Variants in RBM17 observed in about 807,000 individuals in gnomAD.
RBM17 encodes the protein RNA binding motif protein 17, also known as splicing factor 45.
RBM17 carries 7 observed loss-of-function variants against 53.2 expected under a neutral mutation model. That is an observed-to-expected ratio of 0.13 (90% CI 0.07 to 0.25). RBM17 has a LOEUF of 0.25. Ranked by LOEUF, RBM17 falls within the 10% of genes least tolerant of loss-of-function variation. The pLI is 1.00. For missense variants in RBM17, 257 were observed against 496.7 expected, an observed-to-expected ratio of 0.52 and a Z score of 4.59; for synonymous variants, 167 against 178.1, an observed-to-expected ratio of 0.94 and a Z score of 0.50.
rs747268766 is a variant in RBM17, at chr10:6,115,232, C to G, written c.1030-7C>G. 27 of 1,609,462 alleles carry G rather than the reference C, an allele frequency of 1.7e-5. No homozygotes were observed. The highest frequency in any genetic ancestry group is 1.7e-4 in the Middle Eastern group (1 of 5,784). On this transcript the variant is annotated splice_region_variant and splice_polypyrimidine_tract_variant and intron_variant, in intron 10 of 11. Coordinates refer to ENST00000379888, the MANE Select transcript of RBM17 (RefSeq NM_032905.5). ...CCTTTACTCATCACGCTCTCATTTT[C>G]TTCCAGATTCCTGGTGCCCCTGATG... is the stretch of plus-strand genomic sequence containing the variant.
At chr10:6,114,363 A>G (rs1840883983) in intron 10 of RBM17, 2 of 414,322 alleles carry the variant, frequency 4.8e-6, no homozygotes, top group Non-Finnish European at 9.0e-6. Context: ...GGAATGCTTC[A>G]TGATTGAGGA....
chr10:6,105,118 G>A, intron 4 of RBM17, 21 bp downstream of exon 4: 2 of 1,607,386 alleles, frequency 1.2e-6, no homozygotes, highest in South Asian at 1.1e-5. Flanking sequence ...CTTTGGATTT[G>A]GGGATATTTT....
At chr10:6,092,378 C>T (rs1840499842) in intron 1 of RBM17, among the ~76,000 whole-genome samples, 1 of 152,116 alleles carries the variant, frequency 6.6e-6, no homozygotes, top group Non-Finnish European at 1.5e-5. Flanking sequence ...AATGAACAAA[C>T]TATTGTATAT....
In RBM17 at chr10:6,096,906, C is replaced by G. The variant is rs79931413; in HGVS notation, c.-18-142C>G. 1.1e-3 allele frequency: 688 copies of G among 616,152 alleles called. 2 individuals carry two copies. Among genetic ancestry groups the G allele is most frequent in the Non-Finnish European group, 1.7e-3 (602 of 350,244 alleles). 38.2% of individuals were successfully genotyped at this position (616,152 alleles called of 1,614,324 possible). A position where few individuals can be genotyped will look rare whatever the true frequency, so the allele number is the denominator to read the frequency against. On this transcript the variant is annotated intron_variant, in intron 1 of 11. Coordinates refer to ENST00000379888, the MANE Select transcript of RBM17 (RefSeq NM_032905.5). The stretch of plus-strand genomic sequence containing the variant: ...GCTTCATGTATCAGGAATAGCCCTA[C>G]ATTAATGGTACCAGGAGCCTGGGCC...
intron 9 of RBM17, 61 bp from the exon 10 acceptor site, chr10:6,113,988 C>T: frequency 1.9e-6 from 2 of 1,063,618 alleles, no homozygotes; most frequent in South Asian, 1.4e-5. Context: ...ATTTATATAC[C>T]TCTGCTAGGT....
intron 1 of RBM17, among the ~76,000 whole-genome samples, chr10:6,095,067 G>A (rs918249102): frequency 6.6e-6 from 1 of 152,142 alleles, no homozygotes; most frequent in Non-Finnish European, 1.5e-5. Context: ...ATTTCTTAAG[G>A]AATGGAGTTC....
Position 6,113,509 on chromosome 10 carries a change from T to C in RBM17, c.858T>C (p.Asp286=). The C allele has an allele frequency of 6.2e-7, 1 of 1,608,454 alleles. No homozygotes were observed. Among genetic ancestry groups the C allele is most frequent in the Non-Finnish European group, 8.5e-7 (1 of 1,174,922 alleles). The change falls in exon 9 of 12, where the codon GAT becomes GAC. Residue 286 remains aspartate, a splice_region_variant and synonymous_variant. Coordinates refer to ENST00000379888, the MANE Select transcript of RBM17 (RefSeq NM_032905.5). The part of the protein sequence containing the change: ...KIIVGDATEK[D]ASKKSDSNPL... ...ATCTAATGGTATGTTTTGATACAGATGCATCCAAGAAGTCAGATTCAAATC... is the reference window on the plus strand; with the variant it reads ...ATCTAATGGTATGTTTTGATACAGACGCATCCAAGAAGTCAGATTCAAATC...
At chr10:6,096,190 T>TA (rs1437457492) in intron 1 of RBM17, among the ~76,000 whole-genome samples, 8 of 151,786 alleles carry the variant, frequency 5.3e-5, no homozygotes, top group East Asian at 1.9e-4. Context: ...ATTTTTTTTT[T>TA]AAAAAGTGGC....
Position 6,117,288 on chromosome 10 carries a change from G to A in RBM17, c.*1732G>A, listed in dbSNP as rs1219781156. On this transcript the variant is annotated 3_prime_UTR_variant, in exon 12 of 12. Coordinates refer to ENST00000379888, the MANE Select transcript of RBM17 (RefSeq NM_032905.5). ...ATTTTTAAAATAACTGTGTTAATCA[G>A]TTAGTGCTTTATTTATAATGAATTT... 6 of 152,240 alleles carry A rather than the reference G, an allele frequency of 3.9e-5. No individual in the cohort carries two copies. Among genetic ancestry groups the A allele is most frequent in the Middle Eastern group, 3.4e-3 (1 of 294 alleles). The allele number at this position is 152,240 out of a possible 1,614,324, so 9.4% of individuals were successfully genotyped here.
Position 6,105,179 on chromosome 10 carries a change from G to C in RBM17, c.407+82G>C, listed in dbSNP as rs536381524. ...TAACGAATGAGCGTCGCTGCTGTCT[G>C]TAAGGCTGAAGTTAATTGTCATGGG... On this transcript the variant is annotated intron_variant, in intron 4 of 11. Coordinates refer to ENST00000379888, the MANE Select transcript of RBM17 (RefSeq NM_032905.5). The C allele has an allele frequency of 1.3e-4, 166 of 1,320,184 alleles. No homozygotes were observed. In the African/African-American group the frequency reaches 1.4e-3, roughly 11 times the overall value. 81.8% of individuals were successfully genotyped at this position (1,320,184 alleles called of 1,614,324 possible).
At chr10:6,095,258 G>C (rs1588342962) in intron 1 of RBM17, among the ~76,000 whole-genome samples, 1 of 151,818 alleles carries the variant, frequency 6.6e-6, no homozygotes, top group East Asian at 1.9e-4. Context: ...TGTCACCCAG[G>C]CTGGAGTGCA....
In RBM17 at chr10:6,112,506, A is replaced by G. The variant is rs764100567; in HGVS notation, c.856+145A>G. On this transcript the variant is annotated intron_variant, in intron 8 of 11. Coordinates refer to ENST00000379888, the MANE Select transcript of RBM17 (RefSeq NM_032905.5). The surrounding 1 kb of genome is among the most constrained non-coding windows in gnomAD (Gnocchi z 4.4). ...GAGGGCTGGCCCTGCCATCACTAGAACACAGGCCGTCCTGTTCATATGATG... is the reference window on the plus strand; with the variant it reads ...GAGGGCTGGCCCTGCCATCACTAGAGCACAGGCCGTCCTGTTCATATGATG... The G allele has an allele frequency of 6.4e-6, 6 of 935,062 alleles. No individual in the cohort carries two copies. The highest frequency in any genetic ancestry group is 1.6e-5 in the African/African-American group (1 of 61,238). The allele number at this position is 935,062 out of a possible 1,614,324, so 57.9% of individuals were successfully genotyped here.
Position 6,112,476 on chromosome 10 carries a change from A to G in RBM17, c.856+115A>G. The G allele has an allele frequency of 7.9e-7, 1 of 1,267,652 alleles. No individual in the cohort carries two copies. The allele number at this position is 1,267,652 out of a possible 1,614,324, so 78.5% of individuals were successfully genotyped here. ...GGGGGACAATGAGGCGTGTGGCCAGAGGGAGAGGGCTGGCCCTGCCATCAC... is the reference window on the plus strand; with the variant it reads ...GGGGGACAATGAGGCGTGTGGCCAGGGGGAGAGGGCTGGCCCTGCCATCAC... On this transcript the variant is annotated intron_variant, in intron 8 of 11. Transcript: ENST00000379888. This position sits in a 1 kb window ranked among gnomAD's most constrained non-coding sequence, Gnocchi z 4.4.
chr10:6,115,382 T>C, intron 11 of RBM17, 71 bp downstream of exon 11: 1 of 1,528,844 alleles, frequency 6.5e-7, no homozygotes, highest in Non-Finnish European at 9.1e-7. Flanking sequence ...CAAGTAAAGT[T>C]ACTGTTTAAT....
In RBM17 at chr10:6,117,400, A is replaced by G. The variant is rs1373304484; in HGVS notation, c.*1844A>G. The G allele has an allele frequency of 1.3e-5, 2 of 152,216 alleles. No individual in the cohort carries two copies. The highest frequency in any genetic ancestry group is 1.3e-4 in the Admixed American group (2 of 15,286). 9.4% of individuals were successfully genotyped at this position (152,216 alleles called of 1,614,324 possible). On this transcript the variant is annotated 3_prime_UTR_variant, in exon 12 of 12. Coordinates refer to ENST00000379888, the MANE Select transcript of RBM17 (RefSeq NM_032905.5). ...TTTCAATATTAACATTTAAGCTAAT[A>G]TAAAAATTTTAAATTTCAATAAAAA...
chr10:6,092,861 A>C (rs1840507801), intron 1 of RBM17, among the ~76,000 whole-genome samples: 1 of 152,246 alleles, frequency 6.6e-6, no homozygotes, highest in Admixed American at 6.5e-5. Flanking sequence ...AAGAGAAATG[A>C]GGACCTTTAA....
In RBM17 at chr10:6,108,281, T is replaced by G. The variant is rs550976437; in HGVS notation, c.506-405T>G. 1.4e-4 allele frequency among the ~76,000 whole-genome samples: 21 copies of G among 152,296 alleles called. No homozygotes were observed. The South Asian group carries it at 3.9e-3, about 29-fold the overall frequency. The stretch of plus-strand genomic sequence containing the variant: ...TATTTGTAAACTGGATGCAGTAATA[T>G]CTACTTCAGAGGTCTGTGAAGCCTG... On this transcript the variant is annotated intron_variant, in intron 5 of 11. Transcript: ENST00000379888.
intron 7 of RBM17, among the ~76,000 whole-genome samples, chr10:6,111,378 C>T (rs745782072): frequency 1.3e-5 from 2 of 152,216 alleles, no homozygotes; most frequent in African/African-American, 4.8e-5. Context: ...CTCGCTCTGT[C>T]GCCCAGGCTG....
rs796189910 is a variant in RBM17, at chr10:6,089,839, C to T, written c.-19+646C>T. On this transcript the variant is annotated intron_variant, in intron 1 of 11. Coordinates refer to ENST00000379888, the MANE Select transcript of RBM17 (RefSeq NM_032905.5). The surrounding 1 kb of genome is among the most constrained non-coding windows in gnomAD (Gnocchi z 5.6). The stretch of plus-strand genomic sequence containing the variant: ...GAATGCAGGTGGAATGAGGTTCTGC[C>T]CCTGCTTGCAGGAGTTTGGTTTCTG... 12 of 152,400 alleles carry T rather than the reference C, an allele frequency of 7.9e-5. No homozygotes were observed. The highest frequency in any genetic ancestry group is 2.7e-4 in the African/African-American group (11 of 41,506). The allele number at this position is 152,400 out of a possible 1,614,324, so 9.4% of individuals were successfully genotyped here.
Sources: gnomAD v4.1 joint callset for allele counts (sites outside exome capture counted in the v4.1 genomes callset) on GRCh38, gnomAD v4.1.1 for gene constraint, Gnocchi (gnomAD v3.1) non-coding constraint, MANE v1.5 for transcripts, NCBI Gene and HGNC (gene_info 2026-07-23, HGNC 2026-07-21) for gene names.